Variants in ZNF225 observed in about 807,000 individuals in gnomAD.
ZNF225 encodes the protein zinc finger protein 225.
In ZNF225, 6 loss-of-function variants were observed where a neutral mutation model predicts 12.0. The ratio of observed to expected loss-of-function variants is 0.50; its 90% CI spans 0.27 to 0.98. The LOEUF (loss-of-function observed/expected upper bound fraction) is 0.98, where lower values mean the gene tolerates loss of function less well. Among genes scored for constraint, ZNF225 ranks in the 50% least tolerant of loss-of-function variants. The pLI is 0.11. For synonymous variants in ZNF225, 271 were observed against 283.2 expected (o/e 0.96, Z 0.43); for missense variants, 763 against 848.2 (o/e 0.90, Z 1.25).
At chr19:44,114,671 C>G (rs1967903242) in intron 1 of ZNF225, among the ~76,000 whole-genome samples, 1 of 152,120 alleles carries the variant, frequency 6.6e-6, no homozygotes, top group Admixed American at 6.5e-5. Context: ...CCACCACATC[C>G]GGCTAATTTT....
chr19:44,128,068 C>T (rs748895510), intron 4 of ZNF225, among the ~76,000 whole-genome samples: 25 of 152,216 alleles, frequency 1.6e-4, no homozygotes, highest in Admixed American at 2.0e-4. Flanking sequence ...ACCTTTCCTT[C>T]GAGAGATTTA....
Position 44,118,273 on chromosome 19 carries a change from G to A in ZNF225, c.101G>A (p.Arg34Gln), listed in dbSNP as rs1374110453. The A allele has an allele frequency of 3.7e-6, 6 of 1,613,444 alleles. No individual in the cohort carries two copies. The highest frequency in any genetic ancestry group is 1.1e-5 in the South Asian group (1 of 91,068). The change falls in exon 3 of 5, where the codon CGA (arginine) becomes CAA (glutamine). Residue 34 changes from arginine (R) to glutamine (Q), a missense_variant. Coordinates refer to ENST00000262894, the MANE Select transcript of ZNF225 (RefSeq NM_013362.4). ...LLDLAQRKLY[R>Q]EVMLENFRNL... ...GACCTTGCCCAGAGGAAACTGTACC[G>A]AGAAGTGATGCTGGAGAACTTCAGG...
Position 44,131,150 on chromosome 19 carries a change from A to G in ZNF225, c.536A>G (p.Asp179Gly), listed in dbSNP as rs1245617488. The G allele has an allele frequency of 3.1e-6, 5 of 1,614,210 alleles. No individual in the cohort carries two copies. The highest frequency in any genetic ancestry group is 1.7e-5 in the Admixed American group (1 of 60,032). Reference protein sequence around the residue: ...LQSREKSHTCDECGKSFCYSS... With the variant: ...LQSREKSHTCGECGKSFCYSS... The stretch of plus-strand genomic sequence containing the variant: ...TCAAGAGAGAAGTCTCATACATGTG[A>G]TGAATGTGGAAAGAGTTTCTGTTAT... The change falls in exon 5 of 5, where the codon GAT becomes GGT. Residue 179 changes from aspartate (D) to glycine (G), a missense_variant. Transcript: ENST00000262894.
At chr19:44,116,615 A>T (rs73039618) in intron 2 of ZNF225, among the ~76,000 whole-genome samples, 1,937 of 152,358 alleles carry the variant, frequency 0.013, 35 homozygotes, top group Admixed American at 0.025. Context: ...TATGTACAGA[A>T]TAGAAAAAGA....
chr19:44,130,322 C>T (rs893243168), intron 4 of ZNF225: 1 of 152,560 alleles, frequency 6.6e-6, no homozygotes, highest in African/African-American at 2.4e-5. Context: ...TCACTTGAGC[C>T]CAGGAGGTCA....
chr19:44,127,258 T>G (rs1968166969), intron 4 of ZNF225, among the ~76,000 whole-genome samples: 1 of 152,194 alleles, frequency 6.6e-6, no homozygotes, highest in Admixed American at 6.5e-5. Flanking sequence ...GCTCTCTAAA[T>G]TGACTCAGCT....
chr19:44,112,402 C>T (rs1341268793), upstream of ZNF225: 1 of 152,158 alleles, frequency 6.6e-6, no homozygotes, highest in Non-Finnish European at 1.5e-5. Flanking sequence ...CCGAGGGCTC[C>T]CATACCCTAT....
intron 4 of ZNF225, chr19:44,130,591 A>G: frequency 3.2e-6 from 1 of 308,032 alleles, no homozygotes; most frequent in Non-Finnish European, 5.9e-6. Flanking sequence ...CCAGCTACTG[A>G]GGAGGCTGAG....
chr19:44,115,727 G>T, intron 1 of ZNF225, 33 bp from the exon 2 acceptor site: 1 of 1,201,168 alleles, frequency 8.3e-7, no homozygotes, highest in Non-Finnish European at 1.2e-6. Flanking sequence ...ACACTTTCAT[G>T]TCTCTTTTTC....
intron 4 of ZNF225, among the ~76,000 whole-genome samples, chr19:44,119,961 G>A (rs1282689989): frequency 6.6e-6 from 1 of 152,198 alleles, no homozygotes; most frequent in East Asian, 1.9e-4. Context: ...GCTCACGCCT[G>A]TAATCCCACT....
chr19:44,126,424 G>A (rs539490275), intron 4 of ZNF225, among the ~76,000 whole-genome samples: 9 of 152,274 alleles, frequency 5.9e-5, no homozygotes, highest in African/African-American at 1.7e-4. Flanking sequence ...AGATATCAGC[G>A]CCTGTTCCAG....
At chr19:44,123,303 T>G (rs1303976461) in intron 4 of ZNF225, among the ~76,000 whole-genome samples, 3 of 152,218 alleles carry the variant, frequency 2.0e-5, no homozygotes, top group South Asian at 2.1e-4. Flanking sequence ...TTTATTGACT[T>G]GGGTATGTTA....
Position 44,131,412 on chromosome 19 carries a change from G to A in ZNF225, c.798G>A (p.Gly266=), listed in dbSNP as rs181417670. Residue 266 remains glycine (G), a synonymous_variant, in exon 5 of 5, where the codon GGG becomes GGA. Transcript: ENST00000262894. ...GVKPHICEKC[G]KAFIHDSQLQ... ...AACCTCATATTTGTGAGAAATGTGG[G>A]AAGGCCTTCATTCATGATTCCCAGC... The A allele has an allele frequency of 7.4e-6, 12 of 1,614,170 alleles. No individual in the cohort carries two copies. The African/African-American group carries it at 1.5e-4, about 20-fold the overall frequency.
chr19:44,132,121 C>T lies in ZNF225; in HGVS notation c.1507C>T (p.Arg503Cys), dbSNP rs766362842. 1.9e-5 allele frequency: 30 copies of T among 1,613,718 alleles called. No homozygotes were observed. Among genetic ancestry groups the T allele is most frequent in the South Asian group, 1.4e-4 (13 of 91,060 alleles). Residue 503 changes from arginine to cysteine, a missense_variant, in exon 5 of 5, where the codon CGT becomes TGT. Physicochemically the swap from Arg to Cys is radical, Grantham distance 180. Coordinates refer to ENST00000262894, the MANE Select transcript of ZNF225 (RefSeq NM_013362.4). ...TCAGAATTCACAACTTTATACCCAT[C>T]GTAGAGTCCACAGTGGAGAAAAACC... Reference protein sequence around the residue: ...FTQNSQLYTHRRVHSGEKPFK... With the variant: ...FTQNSQLYTHCRVHSGEKPFK...
chr19:44,121,098 C>CAG (rs1968047498), intron 4 of ZNF225, among the ~76,000 whole-genome samples: 1 of 152,062 alleles, frequency 6.6e-6, no homozygotes, highest in South Asian at 2.1e-4. Context: ...CGGGTTTTAC[C>CAG]GTGTTAGCCA....
rs143348426 is a variant in ZNF225 at position 44,132,732 on chromosome 19, A to G, written c.2118A>G (p.Thr706=). The G allele has an allele frequency of 1.1e-3, 1,803 of 1,583,436 alleles. 19 individuals are homozygous for G. In the African/African-American group the frequency reaches 0.022, roughly 19 times the overall value. Residue 706 remains threonine, a synonymous_variant, in exon 5 of 5, where the codon ACA becomes ACG. Transcript: ENST00000262894. ...DTLLSLFLND[T] ...TTTTGTCATTATTTTTAAATGACACATAACTGTTGTACTCATTTATGGGGT... is the reference window on the plus strand; with the variant it reads ...TTTTGTCATTATTTTTAAATGACACGTAACTGTTGTACTCATTTATGGGGT...
At chr19:44,119,390 C>T (rs1219437017) in intron 4 of ZNF225, among the ~76,000 whole-genome samples, 2 of 152,182 alleles carry the variant, frequency 1.3e-5, no homozygotes, top group African/African-American at 4.8e-5. Context: ...CACGTCTCAC[C>T]GGACAATTAT....
intron 2 of ZNF225, among the ~76,000 whole-genome samples, chr19:44,117,243 A>T (rs1011817766): frequency 1.3e-5 from 2 of 152,190 alleles, no homozygotes; most frequent in Non-Finnish European, 2.9e-5. Context: ...AGAGGGAGTA[A>T]ATAGGTGAAC....
intron 1 of ZNF225, among the ~76,000 whole-genome samples, chr19:44,114,369 A>G (rs1967895734): frequency 6.6e-6 from 1 of 151,850 alleles, no homozygotes; most frequent in East Asian, 1.9e-4. Context: ...TTTTCTTGGT[A>G]TTTTATCCTT....
Sources: gnomAD v4.1 joint callset for allele counts (sites outside exome capture counted in the v4.1 genomes callset) on GRCh38, gnomAD v4.1.1 for gene constraint, MANE v1.5 for transcripts, NCBI Gene and HGNC (gene_info 2026-07-23, HGNC 2026-07-21) for gene names.